Variants in PARN observed in about 807,000 individuals in gnomAD.
PARN encodes the protein poly(A)-specific ribonuclease.
In PARN, 71 loss-of-function variants were observed where a neutral mutation model predicts 102.8. The ratio of observed to expected loss-of-function variants is 0.69; its 90% confidence interval spans 0.57 to 0.84. PARN has a LOEUF of 0.84. PARN is among the 40% of genes least tolerant of loss of function. The pLI is 0.00. For missense variants in PARN, 782 were observed against 760.9 expected (o/e 1.03, Z -0.33); for synonymous variants, 261 against 252.9 (o/e 1.03, Z -0.30).
chr16:14,554,535 A>G (rs573283892), intron 19 of PARN, among the ~76,000 whole-genome samples: 2 of 151,862 alleles, frequency 1.3e-5, no homozygotes, highest in South Asian at 4.2e-4. Context: ...GGTTCAAGCG[A>G]TCCTCCCACC....
chr16:14,582,406 AG>A, intron 16 of PARN, 115 bp from the exon 17 acceptor site: 1 of 703,814 alleles, frequency 1.4e-6, no homozygotes, highest in East Asian at 2.5e-5. Context: ...GGCAGAAAAA[AG>A]CTATCTATTC....
chr16:14,571,571 C>G (rs1250501579), intron 18 of PARN, among the ~76,000 whole-genome samples: 2 of 147,246 alleles, frequency 1.4e-5, no homozygotes, highest in Non-Finnish European at 3.0e-5. Context: ...ACTGGATGTA[C>G]ACAGTGCATC....
At chr16:14,575,780 G>A (rs1969094848) in intron 18 of PARN, among the ~76,000 whole-genome samples, 1 of 152,108 alleles carries the variant, frequency 6.6e-6, no homozygotes, top group Non-Finnish European at 1.5e-5. Context: ...GGCCAAGGGT[G>A]GAATTATATG....
At chr16:14,622,570 T>A (rs1972379849) in intron 5 of PARN, among the ~76,000 whole-genome samples, 1 of 152,232 alleles carries the variant, frequency 6.6e-6, no homozygotes, top group Non-Finnish European at 1.5e-5. Context: ...AGTGGCGCGA[T>A]CTTGGCTCAG....
At chr16:14,510,224 C>T (rs193168360) in intron 21 of PARN, among the ~76,000 whole-genome samples, 6 of 152,226 alleles carry the variant, frequency 3.9e-5, no homozygotes, top group African/African-American at 1.2e-4. Context: ...ATGTCAGGGT[C>T]GTTTTCAAAG....
At chr16:14,577,188 A>C (rs1380458467) in intron 18 of PARN, among the ~76,000 whole-genome samples, 1 of 152,236 alleles carries the variant, frequency 6.6e-6, no homozygotes, top group East Asian at 1.9e-4. Context: ...ACTGGTGTCA[A>C]AATAAATTAA....
chr16:14,529,822 T>G (rs1465597146), intron 21 of PARN, among the ~76,000 whole-genome samples: 1 of 152,114 alleles, frequency 6.6e-6, no homozygotes, highest in Admixed American at 6.5e-5. Flanking sequence ...GACTCCTTGG[T>G]AGACTGTGCT....
chr16:14,614,598 C>A (rs1971751491), intron 6 of PARN, among the ~76,000 whole-genome samples: 1 of 152,074 alleles, frequency 6.6e-6, no homozygotes, highest in South Asian at 2.1e-4. Flanking sequence ...CACCTGTAAT[C>A]CCAGCTCTTT....
intron 13 of PARN, among the ~76,000 whole-genome samples, chr16:14,587,462 A>G (rs1355849972): frequency 6.6e-6 from 1 of 152,186 alleles, no homozygotes; most frequent in East Asian, 1.9e-4. Context: ...ATTATTTAGT[A>G]TCCTTTTAAA....
rs572723264 is a variant in PARN, at chr16:14,454,729, C to T, written c.1671-7648G>A. ...ATTTTTGTTTTTTCCAAATTCTCAACAGTCATTAGCTTCAAGATTCAGAAA... is the reference window on the plus strand; with the variant it reads ...ATTTTTGTTTTTTCCAAATTCTCAATAGTCATTAGCTTCAAGATTCAGAAA... On this transcript the variant is annotated intron_variant, in intron 22 of 23. Transcript: ENST00000437198. Among the ~76,000 whole-genome samples, 4 of 152,314 alleles carry T rather than the reference C, an allele frequency of 2.6e-5. No homozygotes were observed. In the East Asian group the frequency reaches 7.7e-4, roughly 29 times the overall value.
At chr16:14,494,466 T>C (rs571643642) in intron 21 of PARN, among the ~76,000 whole-genome samples, 1 of 152,282 alleles carries the variant, frequency 6.6e-6, no homozygotes, top group East Asian at 1.9e-4. Flanking sequence ...ACTCAGGTCT[T>C]TCTTGAGACT....
chr16:14,460,246 T>C (rs1961890747), intron 22 of PARN, among the ~76,000 whole-genome samples: 3 of 152,110 alleles, frequency 2.0e-5, no homozygotes, highest in African/African-American at 7.2e-5. Flanking sequence ...AGTTCATTCT[T>C]AAAAAATAAT....
At chr16:14,581,157 A>G (rs1667964874) in intron 17 of PARN, among the ~76,000 whole-genome samples, 1 of 152,022 alleles carries the variant, frequency 6.6e-6, no homozygotes, top group South Asian at 2.1e-4. Flanking sequence ...GATTCAAGTG[A>G]TTGTCCTGCC....
intron 21 of PARN, among the ~76,000 whole-genome samples, chr16:14,503,556 G>A (rs1359639766): frequency 2.6e-5 from 4 of 152,152 alleles, no homozygotes; most frequent in African/African-American, 7.2e-5. Flanking sequence ...AGAAAGGTGG[G>A]AATCCTGTCC....
At chr16:14,452,550 T>G (rs771089103) in intron 22 of PARN, among the ~76,000 whole-genome samples, 1 of 152,224 alleles carries the variant, frequency 6.6e-6, no homozygotes, top group Non-Finnish European at 1.5e-5. Context: ...TTGGCCAGGC[T>G]GGTCTTGAAA....
intron 22 of PARN, among the ~76,000 whole-genome samples, chr16:14,477,566 A>G (rs562497182): frequency 6.6e-6 from 1 of 151,972 alleles, no homozygotes; most frequent in African/African-American, 2.4e-5. Context: ...TCACGAGGTC[A>G]GGAGTTCGAG....
intron 21 of PARN, among the ~76,000 whole-genome samples, chr16:14,541,115 A>T (rs773470011): frequency 2.0e-5 from 3 of 150,434 alleles, no homozygotes; most frequent in African/African-American, 7.3e-5. Context: ...TCATGGCGAA[A>T]CATCTTTTTT....
At chr16:14,554,600 T>G (rs1431986244) in intron 19 of PARN, among the ~76,000 whole-genome samples, 1 of 151,774 alleles carries the variant, frequency 6.6e-6, no homozygotes, top group East Asian at 1.9e-4. Context: ...CTGGCTAATT[T>G]TTTTATTTTT....
intron 5 of PARN, among the ~76,000 whole-genome samples, chr16:14,620,204 C>T (rs1365716838): frequency 6.6e-6 from 1 of 151,718 alleles, no homozygotes; most frequent in East Asian, 1.9e-4. Flanking sequence ...GGTGAAACCC[C>T]GTCTCTACTA....
Sources: gnomAD v4.1 joint callset for allele counts (sites outside exome capture counted in the v4.1 genomes callset) on GRCh38, gnomAD v4.1.1 for gene constraint, MANE v1.5 for transcripts, NCBI Gene and HGNC (gene_info 2026-07-23, HGNC 2026-07-21) for gene names.